DAAM2: variants seen among roughly 807,000 people sequenced by gnomAD.
The protein encoded by DAAM2 is dishevelled associated activator of morphogenesis 2.
A neutral mutation model predicts 120.7 loss-of-function variants in DAAM2; 39 were observed. That is an observed-to-expected ratio of 0.32 (90% CI 0.25 to 0.42). The LOEUF (loss-of-function observed/expected upper bound fraction) is 0.42, where lower values mean the gene tolerates loss of function less well. Ranked by LOEUF, DAAM2 falls within the 10% of genes least tolerant of loss-of-function variation. DAAM2 has a pLI of 1.00. For synonymous variants in DAAM2, 488 were observed against 524.9 expected (o/e 0.93, Z 0.96); for missense variants, 1,283 against 1,401.7 (o/e 0.92, Z 1.35).
At chr6:39,855,981 C>T in intron 1 of DAAM2, 1 of 958,118 alleles carries the variant, frequency 1.0e-6, no homozygotes, top group Non-Finnish European at 1.2e-6. Context: ...TCTCTGAGGG[C>T]AAGGAAGGGG....
chr6:39,824,518 G>A (rs552769107), intron 1 of DAAM2, among the ~76,000 whole-genome samples: 2 of 152,298 alleles, frequency 1.3e-5, no homozygotes, highest in South Asian at 2.1e-4. Flanking sequence ...TTCTAGCAGC[G>A]GTTGAAGGCC....
At chr6:39,875,305 A>C in intron 10 of DAAM2, 25 bp from the exon 11 acceptor site, 1 of 1,609,560 alleles carries the variant, frequency 6.2e-7, no homozygotes, top group Non-Finnish European at 8.5e-7. Context: ...GACTCAGGAA[A>C]GATATGATAC....
chr6:39,816,296 A>G (rs1050874304), intron 1 of DAAM2, among the ~76,000 whole-genome samples: 2 of 152,160 alleles, frequency 1.3e-5, no homozygotes, highest in African/African-American at 4.8e-5. Context: ...AATGGGGCAT[A>G]TTGCTCTATA....
intron 19 of DAAM2, 110 bp downstream of exon 19, chr6:39,891,832 C>T (rs1765741302): frequency 2.4e-6 from 2 of 824,344 alleles, no homozygotes; most frequent in Non-Finnish European, 3.8e-6. Flanking sequence ...TATTCTCAAC[C>T]CAAAAACAAA....
At chr6:39,875,965 AACAC>A (rs1215073221) in intron 11 of DAAM2, among the ~76,000 whole-genome samples, 1 of 152,136 alleles carries the variant, frequency 6.6e-6, no homozygotes, top group Non-Finnish European at 1.5e-5. Context: ...CATTTCAAAC[AACAC>A]ACACACACAA....
intron 1 of DAAM2, among the ~76,000 whole-genome samples, chr6:39,825,289 C>G (rs945432448): frequency 6.6e-6 from 1 of 151,934 alleles, no homozygotes; most frequent in African/African-American, 2.4e-5. Flanking sequence ...ACTCAGGAGG[C>G]TGAGGCAGGA....
chr6:39,892,390 G>A (rs1765785440), intron 19 of DAAM2, among the ~76,000 whole-genome samples: 1 of 152,142 alleles, frequency 6.6e-6, no homozygotes, highest in Non-Finnish European at 1.5e-5. Context: ...TTAATGTCCC[G>A]AGGCTGTGAC....
In DAAM2 at chr6:39,814,079, G is replaced by A. The variant is rs547839414; in HGVS notation, c.-57+21614G>A. ...AGCCCGTGGCCCATGGGCTGCATGC[G>A]GCCCAGGATGGCTTTGAATGAGGGC... On this transcript the variant is annotated intron_variant, in intron 1 of 24. Coordinates refer to ENST00000274867, the MANE Select transcript of DAAM2 (RefSeq NM_001201427.2). 1.2e-4 allele frequency among the ~76,000 whole-genome samples: 18 copies of A among 152,174 alleles called. No individual in the cohort carries two copies. The Middle Eastern group carries it at 0.01, about 86-fold the overall frequency.
At chr6:39,831,335 C>G (rs369360657) in intron 1 of DAAM2, among the ~76,000 whole-genome samples, 294 of 152,156 alleles carry the variant, frequency 1.9e-3, no homozygotes, top group Non-Finnish European at 2.7e-3. Context: ...CCTTGAAAGA[C>G]CTCACTGAGA....
At position 39,888,684 on chromosome 6, in the gene DAAM2, A is replaced by C; in HGVS notation, c.2066A>C (p.Lys689Thr). ...QNCIILLSKL[K>T]LSNEEIRQAI... Reference sequence around the variant, plus strand: ...GAGGTGGGGTTTTGCCTTAGGTTGAAGCTTTCTAACGAGGAGATCCGGCAG... The same window carrying C: ...GAGGTGGGGTTTTGCCTTAGGTTGACGCTTTCTAACGAGGAGATCCGGCAG... The change falls in exon 17 of 25, where the codon AAG (lysine) becomes ACG (threonine). Residue 689 changes from lysine (K) to threonine (T), a missense_variant. By Grantham distance (78) the Lys-to-Thr change is moderately conservative. Around this residue, in one of 3 missense-constraint regions of DAAM2, gnomAD observed 748 missense variants for 768.6 expected, o/e 0.97. Coordinates refer to ENST00000274867, the MANE Select transcript of DAAM2 (RefSeq NM_001201427.2). 1 of 1,613,216 alleles carries C rather than the reference A, an allele frequency of 6.2e-7. No homozygotes were observed. The highest frequency in any genetic ancestry group is 1.3e-5 in the African/African-American group (1 of 75,024).
At chr6:39,824,480 G>A (rs1178926336) in intron 1 of DAAM2, among the ~76,000 whole-genome samples, 1 of 152,224 alleles carries the variant, frequency 6.6e-6, no homozygotes, top group African/African-American at 2.4e-5. Context: ...TGGGGCGTTA[G>A]AGATCCAGAT....
Position 39,902,335 on chromosome 6 carries a change from C to A in DAAM2, c.*298C>A, listed in dbSNP as rs1339774888. ...GGCTGAAGGGGCCCTGCTCCCCATC[C>A]CCTACCATGGGCACCCATGTGCTGG... On this transcript the variant is annotated 3_prime_UTR_variant, in exon 25 of 25. Coordinates refer to ENST00000274867, the MANE Select transcript of DAAM2 (RefSeq NM_001201427.2). 1.0e-5 allele frequency: 3 copies of A among 285,758 alleles called. No individual in the cohort carries two copies. The highest frequency in any genetic ancestry group is 1.9e-5 in the Non-Finnish European group (3 of 153,956). The allele number at this position is 285,758 out of a possible 1,614,324, so 17.7% of individuals were successfully genotyped here.
chr6:39,818,268 C>T (rs1402013211), intron 1 of DAAM2, among the ~76,000 whole-genome samples: 3 of 150,308 alleles, frequency 2.0e-5, no homozygotes, highest in Non-Finnish European at 4.4e-5. Context: ...CAACTTGACA[C>T]ATAAAATTAA....
At chr6:39,842,683 A>G (rs1472229015) in intron 1 of DAAM2, among the ~76,000 whole-genome samples, 1 of 152,196 alleles carries the variant, frequency 6.6e-6, no homozygotes, top group African/African-American at 2.4e-5. Context: ...GATATTAAAT[A>G]ACGTATGTAA....
intron 1 of DAAM2, among the ~76,000 whole-genome samples, chr6:39,839,997 C>T (rs1248480607): frequency 6.6e-6 from 1 of 152,194 alleles, no homozygotes; most frequent in African/African-American, 2.4e-5. Flanking sequence ...GAGGCTGAGG[C>T]AGGCAGATCA....
chr6:39,901,801 CCCCG>C lies in DAAM2; in HGVS notation c.2983-6_2983-3del. 1 of 1,515,466 alleles carries C rather than the reference CCCCG, an allele frequency of 6.6e-7. No homozygotes were observed. The highest frequency in any genetic ancestry group is 8.8e-7 in the Non-Finnish European group (1 of 1,133,374). The allele number at this position is 1,515,466 out of a possible 1,614,324, so 93.9% of individuals were successfully genotyped here. A position where few individuals can be genotyped will look rare whatever the true frequency, so the allele number is the denominator to read the frequency against. On this transcript the variant is annotated splice_polypyrimidine_tract_variant and splice_region_variant and intron_variant, in intron 24 of 24. Coordinates refer to ENST00000274867, the MANE Select transcript of DAAM2 (RefSeq NM_001201427.2). This position sits in a 1 kb window ranked among gnomAD's most constrained non-coding sequence, Gnocchi z 4.5. ...CCTGAGAGGGTTCCTATCTTTGGCCCCCCGCCCGCAGCTGAAGGAGCAGAGGGAA... is the reference window on the plus strand; with the variant it reads ...CCTGAGAGGGTTCCTATCTTTGGCCCCCCGCAGCTGAAGGAGCAGAGGGAA...
At chr6:39,879,598 G>A in intron 14 of DAAM2, 121 bp downstream of exon 14, 1 of 1,336,286 alleles carries the variant, frequency 7.5e-7, no homozygotes, top group Non-Finnish European at 1.1e-6. Flanking sequence ...TGGGGGGTAA[G>A]GGCAGTCATG....
At position 39,861,021 on chromosome 6, in the gene DAAM2, C is replaced by G; in HGVS notation, c.258+4C>G. The stretch of plus-strand genomic sequence containing the variant: ...GATCTACTGCAGCAAGAAGAAGGTG[C>G]CCTCTCTGACCCCTCTGGCCACATC... On this transcript the variant is annotated splice_donor_region_variant and intron_variant, in intron 3 of 24. Transcript: ENST00000274867. The G allele has an allele frequency of 2.5e-6, 4 of 1,604,946 alleles. No individual in the cohort carries two copies. The highest frequency in any genetic ancestry group is 1.1e-5 in the South Asian group (1 of 89,086).
chr6:39,866,518 G>A (rs1190745477), intron 5 of DAAM2, among the ~76,000 whole-genome samples: 1 of 152,182 alleles, frequency 6.6e-6, no homozygotes, highest in Non-Finnish European at 1.5e-5. Flanking sequence ...ACTAAATCAA[G>A]GGTACCTGTG....
Sources: allele counts gnomAD v4.1 joint callset (sites outside exome capture counted in the v4.1 genomes callset), GRCh38; gene constraint gnomAD v4.1.1; regional missense constraint gnomAD v4.1.1; non-coding constraint Gnocchi (gnomAD v3.1); transcripts MANE v1.5; gene names NCBI Gene and HGNC (gene_info 2026-07-23, HGNC 2026-07-21).